Variants in HYDIN observed in about 807,000 individuals in gnomAD.
HYDIN encodes HYDIN axonemal central pair apparatus protein, also known as axonemal central pair apparatus protein HYDIN.
A neutral mutation model predicts 403.9 loss-of-function variants in HYDIN; 132 were observed. That is an observed-to-expected ratio of 0.33 (90% CI 0.28 to 0.38). The LOEUF is 0.38. Ranked by LOEUF, HYDIN falls within the 10% of genes least tolerant of loss-of-function variation. HYDIN has a pLI of 1.00. For synonymous variants in HYDIN, 1,202 were observed against 1,891.7 expected, an observed-to-expected ratio of 0.64 and a Z score of 9.46; for missense variants, 2,827 against 5,009.5, an observed-to-expected ratio of 0.56 and a Z score of 13.15.
intron 1 of HYDIN, among the ~76,000 whole-genome samples, chr16:71,197,182 T>C (rs921177543): frequency 1.3e-5 from 2 of 152,208 alleles, no homozygotes; most frequent in Non-Finnish European, 2.9e-5. Context: ...TTCCTAGATA[T>C]AGATATAAAC....
chr16:70,985,100 A>C (rs1466917167), intron 28 of HYDIN, 85 bp downstream of exon 28: 2 of 1,085,900 alleles, frequency 1.8e-6, no homozygotes, highest in African/African-American at 1.6e-5. Context: ...AAAAAATCAC[A>C]CTTGTAATCC....
At chr16:70,994,110 A>C (rs1004646329) in intron 23 of HYDIN, among the ~76,000 whole-genome samples, 2 of 152,204 alleles carry the variant, frequency 1.3e-5, no homozygotes, top group African/African-American at 2.4e-5. Context: ...TCTTTTAAGA[A>C]GGGAAAACAC....
rs535539803 is a variant in HYDIN, at chr16:70,888,243, C to T, written c.9774+1344G>A. Reference sequence around the variant, plus strand: ...TATCTATTTTCCTTCAGTTTCAGTTCTTCCTGGTTCTTGGTATGATGAGTG... The same window carrying T: ...TATCTATTTTCCTTCAGTTTCAGTTTTTCCTGGTTCTTGGTATGATGAGTG... On this transcript the variant is annotated intron_variant, in intron 58 of 85. Transcript: ENST00000393567. Among the ~76,000 whole-genome samples, 3 of 152,388 alleles carry T rather than the reference C, an allele frequency of 2.0e-5. No homozygotes were observed. The East Asian group carries it at 5.8e-4, about 29-fold the overall frequency.
intron 1 of HYDIN, among the ~76,000 whole-genome samples, chr16:71,203,562 T>C (rs1480575118): frequency 2.0e-5 from 3 of 152,238 alleles, no homozygotes; most frequent in East Asian, 1.9e-4. Context: ...TATAGACTAA[T>C]TAATCTGTGC....
chr16:71,176,445 C>T (rs1034548696), intron 4 of HYDIN, among the ~76,000 whole-genome samples: 12 of 152,174 alleles, frequency 7.9e-5, no homozygotes, highest in African/African-American at 2.9e-4. Flanking sequence ...TTCCTGCACC[C>T]CTTCAATGGC....
At chr16:70,981,664 T>C (rs2079049789) in intron 28 of HYDIN, 96 bp from the exon 29 acceptor site, 3 of 1,428,302 alleles carry the variant, frequency 2.1e-6, no homozygotes, top group Non-Finnish European at 2.8e-6. Context: ...AATGACAAAG[T>C]AAACCTAAAA....
intron 53 of HYDIN, among the ~76,000 whole-genome samples, chr16:70,898,880 G>A (rs1376983470): frequency 6.6e-6 from 1 of 151,332 alleles, no homozygotes; most frequent in African/African-American, 2.4e-5. Flanking sequence ...AGTAGCTGGG[G>A]TTACAGGCGT....
At chr16:70,993,498 T>C (rs1434199480) in intron 23 of HYDIN, among the ~76,000 whole-genome samples, 3 of 152,210 alleles carry the variant, frequency 2.0e-5, no homozygotes, top group South Asian at 2.1e-4. Context: ...GATTTGTCCA[T>C]GTTTTTGCAT....
chr16:70,883,877 G>A, intron 59 of HYDIN, 43 bp downstream of exon 59: 1 of 1,577,454 alleles, frequency 6.3e-7, no homozygotes. Flanking sequence ...GGTCTCAGAT[G>A]AACACCTTTT....
At chr16:70,908,051 T>C (rs932124593) in intron 49 of HYDIN, among the ~76,000 whole-genome samples, 1 of 152,210 alleles carries the variant, frequency 6.6e-6, no homozygotes, top group Non-Finnish European at 1.5e-5. Flanking sequence ...ATTCTCTTTA[T>C]TGCAGTCTAG....
chr16:71,021,743 G>A (rs1000363630), intron 21 of HYDIN, among the ~76,000 whole-genome samples: 1 of 152,176 alleles, frequency 6.6e-6, no homozygotes, highest in Admixed American at 6.5e-5. Flanking sequence ...ACTCTAGTCT[G>A]TCTTTCCTAG....
chr16:71,174,818 G>A (rs1404552662), intron 5 of HYDIN, among the ~76,000 whole-genome samples: 3 of 152,140 alleles, frequency 2.0e-5, no homozygotes, highest in Non-Finnish European at 2.9e-5. Flanking sequence ...AGCTGATGGG[G>A]GTGAGCAGGC....
intron 55 of HYDIN, 80 bp downstream of exon 55, chr16:70,894,369 C>G: frequency 6.3e-7 from 1 of 1,594,390 alleles, no homozygotes; most frequent in Non-Finnish European, 8.5e-7. Context: ...ATTCAGGTTA[C>G]CTGAACACGA....
intron 45 of HYDIN, among the ~76,000 whole-genome samples, chr16:70,926,074 C>T: frequency 6.6e-6 from 1 of 150,378 alleles, no homozygotes; most frequent in Non-Finnish European, 1.5e-5. Flanking sequence ...GGATCTAGAA[C>T]TAGAAATACC....
chr16:71,208,231 C>T (rs1461312823), intron 1 of HYDIN, among the ~76,000 whole-genome samples: 2 of 152,174 alleles, frequency 1.3e-5, no homozygotes, highest in East Asian at 1.9e-4. Context: ...TCTCAGACAA[C>T]AGCACAATAT....
intron 1 of HYDIN, among the ~76,000 whole-genome samples, chr16:71,229,978 A>G (rs2041209542): frequency 6.6e-6 from 1 of 152,010 alleles, no homozygotes; most frequent in Non-Finnish European, 1.5e-5. Context: ...GAGTCTGACG[A>G]GATTTGATGG....
intron 66 of HYDIN, among the ~76,000 whole-genome samples, chr16:70,868,019 C>T (rs1281144238): frequency 6.6e-6 from 1 of 152,060 alleles, no homozygotes; most frequent in South Asian, 2.1e-4. Context: ...AAAACAAAAA[C>T]CAAGGGAGTA....
At chr16:71,055,849 G>A (rs1290248889) in intron 18 of HYDIN, among the ~76,000 whole-genome samples, 1 of 152,106 alleles carries the variant, frequency 6.6e-6, no homozygotes, top group African/African-American at 2.4e-5. Context: ...TTAGAGCCAA[G>A]AGCAAAAAGA....
chr16:70,901,588 T>C lies in HYDIN; in HGVS notation c.8850-386A>G, dbSNP rs899026431. 5.5e-5 allele frequency among the ~76,000 whole-genome samples: 8 copies of C among 145,252 alleles called. No homozygotes were observed. In the South Asian group the frequency reaches 8.7e-4, roughly 16 times the overall value. The stretch of plus-strand genomic sequence containing the variant: ...TACTTAGCATATATTTTCTTTCTTT[T>C]TTTTTTTTTTTTTTGGAGACGGAGT... On this transcript the variant is annotated intron_variant, in intron 52 of 85. Transcript: ENST00000393567.
Sources: allele counts gnomAD v4.1 joint callset (sites outside exome capture counted in the v4.1 genomes callset), GRCh38; gene constraint gnomAD v4.1.1; transcripts MANE v1.5; gene names NCBI Gene and HGNC (gene_info 2026-07-23, HGNC 2026-07-21).